The following ADGRF5 variants were observed in gnomAD, a reference collection of about 807,000 sequenced individuals.
The protein encoded by ADGRF5 is G-protein coupled receptor 116.
Under a neutral mutation model 132.3 loss-of-function variants are expected in ADGRF5, and 75 were observed. The observed-to-expected ratio is 0.57, with a 90% CI of 0.47 to 0.69. The LOEUF (loss-of-function observed/expected upper bound fraction) is 0.69, where lower values mean the gene tolerates loss of function less well. ADGRF5 is among the 30% of genes least tolerant of loss of function. The probability of loss-of-function intolerance (pLI) is 0.00; values close to 1 mark genes in which losing one functional copy is unlikely to be tolerated. For missense variants in ADGRF5, 1,516 were observed against 1,630.6 expected, an observed-to-expected ratio of 0.93 and a Z score of 1.21; for synonymous variants, 629 against 597.6, an observed-to-expected ratio of 1.05 and a Z score of -0.77.
intron 11 of ADGRF5, among the ~76,000 whole-genome samples, chr6:46,870,167 T>G (rs1770893585): frequency 6.6e-6 from 1 of 151,896 alleles, no homozygotes; most frequent in Admixed American, 6.6e-5. Context: ...AATATTATTA[T>G]TTTTTTCTTT....
At position 46,900,076 on chromosome 6, in the gene ADGRF5, T is replaced by G; in HGVS notation, c.110A>C (p.His37Pro). 6.2e-7 allele frequency: 1 copy of G among 1,611,642 alleles called. No homozygotes were observed. Among genetic ancestry groups the G allele is most frequent in the Non-Finnish European group, 8.5e-7 (1 of 1,177,720 alleles). The change falls in exon 3 of 21, where the codon CAT (histidine) becomes CCT (proline). Residue 37 changes from histidine to proline, a missense_variant. By Grantham distance (77) the His-to-Pro change is moderately conservative (BLOSUM62 -2). Coordinates refer to ENST00000283296, the MANE Select transcript of ADGRF5 (RefSeq NM_001098518.2). Reference sequence around the variant, plus strand: ...CTCTTCACCAGCTGGTTCATGTTCATGAAGACTCTGAAAAGAACATTTGAG... The same window carrying G: ...CTCTTCACCAGCTGGTTCATGTTCAGGAAGACTCTGAAAAGAACATTTGAG... ...YESTIHPLSL[H>P]EHEPAGEEAL... is the part of the protein sequence containing the mutation.
At chr6:46,935,462 G>A (rs182087746) in intron 1 of ADGRF5, among the ~76,000 whole-genome samples, 1 of 152,250 alleles carries the variant, frequency 6.6e-6, no homozygotes, top group Admixed American at 6.5e-5. Flanking sequence ...TGCAAGCACA[G>A]GAGACCTTCA....
chr6:46,943,311 T>C lies in ADGRF5; in HGVS notation c.-25+11423A>G, dbSNP rs1017271930. On this transcript the variant is annotated intron_variant, in intron 1 of 20. Transcript: ENST00000265417. ...ACATCATGTTGTGTTGGCAGTTTGG[T>C]TACAGATTTTTATTTTTTAAATCTT... Among the ~76,000 whole-genome samples, 9 of 152,346 alleles carry C rather than the reference T, an allele frequency of 5.9e-5. No individual in the cohort carries two copies. The East Asian group carries it at 1.5e-3, about 26-fold the overall frequency.
At chr6:46,869,409 G>A (rs1171047879) in intron 11 of ADGRF5, 4 of 985,044 alleles carry the variant, frequency 4.1e-6, no homozygotes, top group African/African-American at 3.5e-5. Context: ...TAGGGGTGTC[G>A]CCTTATCCCA....
chr6:46,908,309 C>T (rs112965820), intron 1 of ADGRF5, among the ~76,000 whole-genome samples: 63 of 152,234 alleles, frequency 4.1e-4, no homozygotes, highest in Middle Eastern at 3.4e-3. Flanking sequence ...GTTTTATCTT[C>T]CTTTTTGAAA....
chr6:46,870,399 A>G (rs1192406826), intron 11 of ADGRF5, among the ~76,000 whole-genome samples: 1 of 152,164 alleles, frequency 6.6e-6, no homozygotes, highest in Non-Finnish European at 1.5e-5. Context: ...GCCTTAAGCC[A>G]TCTGCTCACC....
chr6:46,939,158 C>G (rs946011972), intron 1 of ADGRF5, among the ~76,000 whole-genome samples: 1 of 152,234 alleles, frequency 6.6e-6, no homozygotes, highest in Non-Finnish European at 1.5e-5. Context: ...GCGTGAGCCA[C>G]CACGCCCAGC....
chr6:46,902,386 T>G (rs901653378), intron 2 of ADGRF5, among the ~76,000 whole-genome samples: 2 of 152,260 alleles, frequency 1.3e-5, no homozygotes, highest in Admixed American at 6.5e-5. Context: ...GGTCGAGTTT[T>G]CATTCTCTCT....
chr6:46,900,636 G>A (rs1257813957), intron 2 of ADGRF5, among the ~76,000 whole-genome samples: 1 of 152,180 alleles, frequency 6.6e-6, no homozygotes, highest in Non-Finnish European at 1.5e-5. Context: ...GCCTGCTCTA[G>A]AGTCAGACTG....
At chr6:46,919,455 T>C (rs569556204) in intron 1 of ADGRF5, among the ~76,000 whole-genome samples, 3 of 152,292 alleles carry the variant, frequency 2.0e-5, no homozygotes, top group African/African-American at 7.2e-5. Context: ...ATACAAGAGA[T>C]TGAATGCATA....
chr6:46,873,029 T>G (rs1188029092), intron 10 of ADGRF5, among the ~76,000 whole-genome samples: 1 of 152,110 alleles, frequency 6.6e-6, no homozygotes, highest in Non-Finnish European at 1.5e-5. Flanking sequence ...ACCTCCTAGC[T>G]CACAGACATG....
intron 1 of ADGRF5, among the ~76,000 whole-genome samples, chr6:46,938,651 G>A (rs1390547257): frequency 6.6e-6 from 1 of 152,158 alleles, no homozygotes; most frequent in Admixed American, 6.5e-5. Context: ...CCCTTTGGGT[G>A]TCCCCTGACC....
In ADGRF5 at chr6:46,855,032, A is replaced by C. The variant is rs559273039; in HGVS notation, c.3961+942T>G. Reference sequence around the variant, plus strand: ...TTTGTGAGATCTGTTCAGTTCCAAAAAGCTAGAAGAAATCCTGGGGCTTAT... The same window carrying C: ...TTTGTGAGATCTGTTCAGTTCCAAACAGCTAGAAGAAATCCTGGGGCTTAT... On this transcript the variant is annotated intron_variant, in intron 20 of 20. Coordinates refer to ENST00000283296, the MANE Select transcript of ADGRF5 (RefSeq NM_001098518.2). Among the ~76,000 whole-genome samples, 65 of 152,308 alleles carry C rather than the reference A, an allele frequency of 4.3e-4. 1 individual carries two copies. The highest frequency in any genetic ancestry group is 1.4e-3 in the African/African-American group (60 of 41,564).
At chr6:46,854,569 C>G (rs1280921796) in intron 20 of ADGRF5, 5 of 450,866 alleles carry the variant, frequency 1.1e-5, no homozygotes, top group Non-Finnish European at 1.3e-5. Context: ...TCAGGAATGT[C>G]AACAGAACTG....
At position 46,888,412 on chromosome 6, in the gene ADGRF5, A is replaced by G. The variant is rs752184491; in HGVS notation, c.251T>C (p.Leu84Ser). ...ATGAATTGGAAAACTGAGGCTGTTC[A>G]AGTAGGCTTTGATAGGATCCAGGAA... is the stretch of plus-strand genomic sequence containing the variant. ...ASFLDPIKAY[L>S]NSLSFPIHGN... is the part of the protein sequence containing the mutation. Residue 84 changes from leucine to serine, a missense_variant, in exon 4 of 21, where the codon TTG (leucine) becomes TCG (serine). Physicochemically the swap from Leu to Ser is moderately radical, Grantham distance 145. Coordinates refer to ENST00000283296, the MANE Select transcript of ADGRF5 (RefSeq NM_001098518.2). 6.2e-7 allele frequency: 1 copy of G among 1,610,708 alleles called. No homozygotes were observed. The highest frequency in any genetic ancestry group is 2.2e-5 in the East Asian group (1 of 44,860).
upstream of ADGRF5, among the ~76,000 whole-genome samples, chr6:46,924,455 TGCTGGTTCTTCC>T (rs1777150939): frequency 6.6e-6 from 1 of 152,238 alleles, no homozygotes. Context: ...CATTTTCCAT[TGCTGGTTCTTCC>T]TCTTAACGTA....
chr6:46,898,296 G>A (rs1487495064), intron 3 of ADGRF5, among the ~76,000 whole-genome samples: 1 of 152,208 alleles, frequency 6.6e-6, no homozygotes, highest in Non-Finnish European at 1.5e-5. Flanking sequence ...GAAACCTGGA[G>A]CTGGAACTCA....
chr6:46,915,486 G>T (rs867544478), intron 1 of ADGRF5, among the ~76,000 whole-genome samples: 3 of 152,032 alleles, frequency 2.0e-5, no homozygotes, highest in Non-Finnish European at 4.4e-5. Flanking sequence ...AGGGGCTGGA[G>T]GAAGCAGTTA....
At chr6:46,929,242 A>G (rs563496724) in intron 1 of ADGRF5, among the ~76,000 whole-genome samples, 1 of 152,150 alleles carries the variant, frequency 6.6e-6, no homozygotes, top group East Asian at 1.9e-4. Flanking sequence ...TATCGCAAGG[A>G]CAAAAAACCA....
Sources: allele counts gnomAD v4.1 joint callset (sites outside exome capture counted in the v4.1 genomes callset), GRCh38; gene constraint gnomAD v4.1.1; transcripts MANE v1.5; gene names NCBI Gene and HGNC (gene_info 2026-07-23, HGNC 2026-07-21).